The following TRPC1 variants were observed in gnomAD, a reference collection of about 807,000 sequenced individuals.
TRPC1 encodes the protein transient receptor potential cation channel subfamily C member 1.
A neutral mutation model predicts 88.2 loss-of-function variants in TRPC1; 42 were observed. That is an observed-to-expected ratio of 0.48 (90% CI 0.37 to 0.62). The LOEUF is 0.62. TRPC1 is among the 20% of genes least tolerant of loss of function. TRPC1 has a pLI of 0.00. For synonymous variants in TRPC1, 288 were observed against 331.8 expected, an observed-to-expected ratio of 0.87 and a Z score of 1.43; for missense variants, 699 against 957.3, an observed-to-expected ratio of 0.73 and a Z score of 3.56.
intron 6 of TRPC1, among the ~76,000 whole-genome samples, chr3:142,782,445 T>G (rs1163025608): frequency 6.6e-6 from 1 of 152,220 alleles, no homozygotes; most frequent in Non-Finnish European, 1.5e-5. Context: ...GTTATCAATC[T>G]TGAATAGCAA....
chr3:142,799,961 A>C (rs768418345), intron 9 of TRPC1, among the ~76,000 whole-genome samples: 79 of 152,174 alleles, frequency 5.2e-4, no homozygotes, highest in Non-Finnish European at 9.6e-4. Context: ...AAATGATATC[A>C]TACATGGTCA....
chr3:142,728,930 A>G (rs530948033), intron 1 of TRPC1, among the ~76,000 whole-genome samples: 1 of 152,264 alleles, frequency 6.6e-6, no homozygotes, highest in Admixed American at 6.5e-5. Context: ...TAATGTAAGG[A>G]GGTATGTGCT....
At position 142,792,293 on chromosome 3, in the gene TRPC1, A is replaced by C. The variant is rs1367924344; in HGVS notation, c.1438-531A>C. Among the ~76,000 whole-genome samples, 2 of 152,076 alleles carry C rather than the reference A, an allele frequency of 1.3e-5. No individual in the cohort carries two copies. Among genetic ancestry groups the C allele is most frequent in the East Asian group, 3.9e-4 (2 of 5,194 alleles). On this transcript the variant is annotated intron_variant, in intron 8 of 12. Transcript: ENST00000476941. This position sits in a 1 kb window ranked among gnomAD's most constrained non-coding sequence, Gnocchi z 4.0. Reference sequence around the variant, plus strand: ...GGACATTTTGAGAGTGAAAGGGGGCACTATTAATAATTATGCCAGGACAAC... The same window carrying C: ...GGACATTTTGAGAGTGAAAGGGGGCCCTATTAATAATTATGCCAGGACAAC...
At chr3:142,737,616 G>A (rs917247875) in intron 2 of TRPC1, among the ~76,000 whole-genome samples, 5 of 151,984 alleles carry the variant, frequency 3.3e-5, no homozygotes, top group Non-Finnish European at 7.4e-5. Flanking sequence ...CTAATCCATA[G>A]AGAATCTGAG....
In TRPC1 at chr3:142,780,945, C is replaced by T. The variant is rs112064817; in HGVS notation, c.876C>T (p.Asp292=). ...TTATTCTAAACCATACGTCTAGTGA[C>T]GAGCCTCTTGACAAACGGGGATTAT... ...LEVILNHTSS[D]EPLDKRGLLE... is the part of the protein sequence containing the mutation. The change falls in exon 6 of 13, where the codon GAC becomes GAT. Residue 292 remains aspartate, a synonymous_variant. Coordinates refer to ENST00000476941, the MANE Select transcript of TRPC1 (RefSeq NM_001251845.2). The T allele has an allele frequency of 7.6e-5, 122 of 1,613,792 alleles. No homozygotes were observed. The highest frequency in any genetic ancestry group is 6.4e-4 in the African/African-American group (48 of 75,028).
intron 3 of TRPC1, among the ~76,000 whole-genome samples, chr3:142,747,249 G>A (rs988295018): frequency 1.3e-5 from 2 of 152,006 alleles, no homozygotes; most frequent in Non-Finnish European, 2.9e-5. Context: ...TGTTCCTTGG[G>A]TAGTAGGAAT....
intron 4 of TRPC1, among the ~76,000 whole-genome samples, chr3:142,759,051 A>T (rs1251364621): frequency 6.6e-6 from 1 of 152,092 alleles, no homozygotes; most frequent in South Asian, 2.1e-4. Context: ...TATATGTGCC[A>T]CATTTTTTTT....
chr3:142,724,617 C>T lies in TRPC1; in HGVS notation c.58C>T (p.Pro20Ser). The change falls in exon 1 of 13, where the codon CCT (proline) becomes TCT (serine). Residue 20 changes from proline (P) to serine (S), a missense_variant. This residue lies in a region of TRPC1 where 157 missense variants were observed against 127.0 expected (regional missense o/e 1.24). Transcript: ENST00000476941. The surrounding 1 kb of genome is among the most constrained non-coding windows in gnomAD (Gnocchi z 5.6). Reference protein sequence around the residue: ...DLSGASSSSLPSSPSSSSPNE... With the variant: ...DLSGASSSSLSSSPSSSSPNE... Reference sequence around the variant, plus strand: ...CTCGGGCGCCTCCTCCTCCTCCCTGCCTTCCTCTCCATCCTCTTCCTCGCC... The same window carrying T: ...CTCGGGCGCCTCCTCCTCCTCCCTGTCTTCCTCTCCATCCTCTTCCTCGCC... The T allele has an allele frequency of 1.2e-6, 2 of 1,611,394 alleles. No individual in the cohort carries two copies. Among genetic ancestry groups the T allele is most frequent in the South Asian group, 1.1e-5 (1 of 90,750 alleles).
At chr3:142,757,847 A>C (rs1041579129) in intron 4 of TRPC1, among the ~76,000 whole-genome samples, 1 of 152,172 alleles carries the variant, frequency 6.6e-6, no homozygotes, top group Non-Finnish European at 1.5e-5. Flanking sequence ...TACATAGTAC[A>C]TATATGTATT....
Position 142,756,504 on chromosome 3 carries a change from C to T in TRPC1, c.632+8044C>T, listed in dbSNP as rs11923640. On this transcript the variant is annotated intron_variant, in intron 4 of 12. Coordinates refer to ENST00000476941, the MANE Select transcript of TRPC1 (RefSeq NM_001251845.2). The stretch of plus-strand genomic sequence containing the variant: ...CCTCCCGAGTAGCTGGAACTACAGG[C>T]GCCCACCACCACGCCCGGCTAATTT... Among the ~76,000 whole-genome samples, 227 of 152,070 alleles carry T rather than the reference C, an allele frequency of 1.5e-3. 2 individuals carry two copies. The highest frequency in any genetic ancestry group is 0.01 in the Middle Eastern group (3 of 294).
At chr3:142,725,218 A>G (rs1189436528) in intron 1 of TRPC1, among the ~76,000 whole-genome samples, 4 of 152,198 alleles carry the variant, frequency 2.6e-5, no homozygotes, top group Non-Finnish European at 5.9e-5. Flanking sequence ...CAGACCCTCT[A>G]TTATTTAGCT....
chr3:142,797,316 A>G (rs768669045), intron 9 of TRPC1, among the ~76,000 whole-genome samples: 6 of 151,708 alleles, frequency 4.0e-5, no homozygotes, highest in Non-Finnish European at 5.9e-5. Flanking sequence ...AATGTTTCCT[A>G]GGGAAATCTG....
intron 5 of TRPC1, among the ~76,000 whole-genome samples, chr3:142,778,667 C>T (rs1195923040): frequency 6.6e-6 from 1 of 152,062 alleles, no homozygotes; most frequent in Non-Finnish European, 1.5e-5. Flanking sequence ...TCCTATACGG[C>T]TGCTATTAGA....
intron 9 of TRPC1, among the ~76,000 whole-genome samples, chr3:142,800,460 A>G (rs987156707): frequency 2.6e-5 from 4 of 152,160 alleles, no homozygotes; most frequent in African/African-American, 9.7e-5. Context: ...GCATCTGGCC[A>G]GTTGCCTGTG....
At chr3:142,728,415 C>T (rs991618272) in intron 1 of TRPC1, among the ~76,000 whole-genome samples, 3 of 151,478 alleles carry the variant, frequency 2.0e-5, no homozygotes, top group Admixed American at 6.6e-5. Context: ...CGGGTTCCAG[C>T]GATTCTCCGG....
chr3:142,754,119 A>G (rs1015986500), intron 4 of TRPC1, among the ~76,000 whole-genome samples: 1 of 150,354 alleles, frequency 6.7e-6, no homozygotes, highest in African/African-American at 2.4e-5. Context: ...AAAAAGAGAG[A>G]GACAATTGTT....
chr3:142,737,324 T>TTATA (rs10662325), intron 2 of TRPC1, among the ~76,000 whole-genome samples: 208 of 147,812 alleles, frequency 1.4e-3, no homozygotes, highest in African/African-American at 4.9e-3. Context: ...CATTGCTATT[T>TTATA]TATATATATA....
intron 2 of TRPC1, among the ~76,000 whole-genome samples, chr3:142,740,551 C>A (rs1456810798): frequency 6.6e-6 from 1 of 152,146 alleles, no homozygotes; most frequent in Non-Finnish European, 1.5e-5. Context: ...GAAACATCTA[C>A]ATTTAATAAA....
intron 9 of TRPC1, among the ~76,000 whole-genome samples, chr3:142,794,252 C>T (rs1380082482): frequency 6.6e-6 from 1 of 151,822 alleles, no homozygotes; most frequent in African/African-American, 2.4e-5. Flanking sequence ...TTTACATGCA[C>T]ATTGATTTTT....
Sources: allele counts gnomAD v4.1 joint callset (sites outside exome capture counted in the v4.1 genomes callset), GRCh38; gene constraint gnomAD v4.1.1; regional missense constraint gnomAD v4.1.1; non-coding constraint Gnocchi (gnomAD v3.1); transcripts MANE v1.5; gene names NCBI Gene and HGNC (gene_info 2026-07-23, HGNC 2026-07-21).